The following GTF3C2 variants were observed in gnomAD, a reference collection of about 807,000 sequenced individuals.
The protein encoded by GTF3C2 is general transcription factor 3C polypeptide 2.
Under a neutral mutation model 117.4 loss-of-function variants are expected in GTF3C2, and 17 were observed. The ratio of observed to expected loss-of-function variants is 0.14; its 90% CI spans 0.10 to 0.22. The LOEUF is 0.22. GTF3C2 is among the 10% of genes least tolerant of loss of function. The probability of loss-of-function intolerance (pLI) is 1.00; values close to 1 mark genes in which losing one functional copy is unlikely to be tolerated. For missense variants in GTF3C2, 888 were observed against 1,143.6 expected (o/e 0.78, Z 3.22); for synonymous variants, 437 against 427.0 (o/e 1.02, Z -0.29).
intron 7 of GTF3C2, chr2:27,336,746 C>T (rs1680494205): frequency 3.3e-6 from 1 of 305,998 alleles, no homozygotes; most frequent in Non-Finnish European, 6.1e-6. Context: ...GTAGCTGGGA[C>T]TACAGGCATA....
At chr2:27,340,787 AT>A (rs1181361973) in intron 4 of GTF3C2, 262 of 143,206 alleles carry the variant, frequency 1.8e-3, no homozygotes, top group South Asian at 2.0e-3. Flanking sequence ...CATCCAGCTA[AT>A]TTTTTTTTTT....
intron 3 of GTF3C2, 64 bp from the exon 4 acceptor site, chr2:27,342,297 T>C (rs915021868): frequency 4.3e-5 from 60 of 1,380,960 alleles, no homozygotes; most frequent in Non-Finnish European, 5.4e-5. Flanking sequence ...TTTCCAGACA[T>C]GGTTGATTTT....
chr2:27,354,927 TTCA>T (rs1681276639), intron 1 of GTF3C2, among the ~76,000 whole-genome samples: 1 of 152,186 alleles, frequency 6.6e-6, no homozygotes, highest in South Asian at 2.1e-4. Flanking sequence ...TACAAATCTC[TTCA>T]TTAATTCATC....
At chr2:27,349,001 T>G (rs1480397352) in intron 1 of GTF3C2, among the ~76,000 whole-genome samples, 1 of 151,802 alleles carries the variant, frequency 6.6e-6, no homozygotes, top group African/African-American at 2.4e-5. Flanking sequence ...CACACCCAGC[T>G]AATTTTTGTA....
Position 27,329,435 on chromosome 2 carries a change from C to T in GTF3C2, c.1821G>A (p.Gln607=). The T allele has an allele frequency of 6.2e-7, 1 of 1,614,110 alleles. No individual in the cohort carries two copies. The highest frequency in any genetic ancestry group is 8.5e-7 in the Non-Finnish European group (1 of 1,180,008). ...CAGCCTGGTCATGGGCTAGGAAACA[C>T]TGGAAGGGGTAGAGCTTTAAGGAGC... Residue 607 remains glutamine (Q), a synonymous_variant, in exon 13 of 19, where the codon CAG becomes CAA. Coordinates refer to ENST00000264720, the Ensembl canonical transcript of GTF3C2. This position sits in a 1 kb window ranked among gnomAD's most constrained non-coding sequence, Gnocchi z 4.5.
intron 1 of GTF3C2, chr2:27,356,209 C>T (rs2148356947): frequency 1.4e-6 from 1 of 713,006 alleles, no homozygotes; most frequent in East Asian, 6.5e-5. Flanking sequence ...ACACAACTGG[C>T]CCTTGGTTAC....
chr2:27,335,327 C>T (rs1190466711), intron 10 of GTF3C2: 4 of 589,018 alleles, frequency 6.8e-6, no homozygotes, highest in South Asian at 4.6e-5. Context: ...AGCCAGTTAC[C>T]TGTGGCAGCA....
chr2:27,343,580 T>C lies in GTF3C2; in HGVS notation c.-24-2A>G, dbSNP rs1572578181. On this transcript the variant is annotated splice_acceptor_variant, in intron 1 of 18. Transcript: ENST00000264720. LOFTEE classifies it low-confidence loss of function (5UTR_SPLICE). ...CAGCACCCCCCAAAATGGCTGCCCC[T>C]GCATACAGAGACACACAAATGAGTA... is the stretch of plus-strand genomic sequence containing the variant. The C allele has an allele frequency of 6.2e-7, 1 of 1,611,752 alleles. No individual in the cohort carries two copies. The highest frequency in any genetic ancestry group is 8.5e-7 in the Non-Finnish European group (1 of 1,178,336).
chr2:27,343,332 T>C (rs779305663), exon 2 of GTF3C2: 2 of 1,614,026 alleles, frequency 1.2e-6, no homozygotes, highest in Non-Finnish European at 8.5e-7. Context: ...CTGGAGAGGC[T>C]TTCCTGCTCT....
chr2:27,338,179 A>G, intron 4 of GTF3C2, 159 bp from the exon 5 acceptor site: 2 of 630,448 alleles, frequency 3.2e-6, no homozygotes, highest in Middle Eastern at 3.0e-4. Context: ...CAACCACTAT[A>G]ATGACTTCTT....
chr2:27,327,145 G>C, intron 18 of GTF3C2, 32 bp downstream of exon 18: 12 of 1,168,146 alleles, frequency 1.0e-5, no homozygotes, highest in Non-Finnish European at 1.5e-5. Context: ...GGGGGGAAAT[G>C]AGAGTGGAGG....
chr2:27,353,171 G>T (rs1421198991), intron 1 of GTF3C2, among the ~76,000 whole-genome samples: 2 of 152,254 alleles, frequency 1.3e-5, no homozygotes, highest in South Asian at 2.1e-4. Context: ...GAGGTGAGCA[G>T]ATCATGAGGT....
At chr2:27,338,462 A>G (rs564674291) in intron 4 of GTF3C2, among the ~76,000 whole-genome samples, 535 of 38,060 alleles carry the variant, frequency 0.014, 2 homozygotes, top group African/African-American at 0.024. Flanking sequence ...GCACGCGCGC[A>G]CACACACACA....
At chr2:27,350,845 A>C (rs767966828) in intron 1 of GTF3C2, among the ~76,000 whole-genome samples, 11 of 151,556 alleles carry the variant, frequency 7.3e-5, no homozygotes, top group Non-Finnish European at 1.3e-4. Context: ...GCTACTCGGG[A>C]GGCTGAGGCA....
intron 1 of GTF3C2, among the ~76,000 whole-genome samples, chr2:27,354,766 A>G (rs1681272346): frequency 6.6e-6 from 1 of 152,136 alleles, no homozygotes; most frequent in Non-Finnish European, 1.5e-5. Context: ...GGTTTTTTTT[A>G]AAGGATTTTC....
chr2:27,340,364 G>A (rs1680683963), intron 4 of GTF3C2: 3 of 151,920 alleles, frequency 2.0e-5, no homozygotes, highest in Admixed American at 6.6e-5. Flanking sequence ...CCGAGTAGCT[G>A]GGACTACAGG....
rs770037918 is a variant in GTF3C2 at position 27,329,365 on chromosome 2, C to T, written c.1877+14G>A. On this transcript the variant is annotated intron_variant, in intron 13 of 18. Transcript: ENST00000264720. This position sits in a 1 kb window ranked among gnomAD's most constrained non-coding sequence, Gnocchi z 4.5. ...GTCTTCACCTTCCCCCTCCACATAC[C>T]TCCTATTCCATACCTGTTAGCTTTG... is the stretch of plus-strand genomic sequence containing the variant. 1 of 1,614,110 alleles carries T rather than the reference C, an allele frequency of 6.2e-7. No individual in the cohort carries two copies. Among genetic ancestry groups the T allele is most frequent in the Non-Finnish European group, 8.5e-7 (1 of 1,179,948 alleles).
chr2:27,338,454 A>ACGCG, intron 4 of GTF3C2, among the ~76,000 whole-genome samples: 1 of 56,424 alleles, frequency 1.8e-5, no homozygotes, highest in South Asian at 5.9e-4. Context: ...GCGCACGCGC[A>ACGCG]CGCGCGCACA....
chr2:27,326,493 G>C (rs1680076420), exon 19 of GTF3C2: 3 of 611,116 alleles, frequency 4.9e-6, no homozygotes, highest in Non-Finnish European at 8.9e-6. Context: ...CTGCCCGCAG[G>C]GGGCTGTGAT....
Sources: allele counts gnomAD v4.1 joint callset (sites outside exome capture counted in the v4.1 genomes callset), GRCh38; gene constraint gnomAD v4.1.1; non-coding constraint Gnocchi (gnomAD v3.1); transcripts MANE v1.5; gene names NCBI Gene and HGNC (gene_info 2026-07-23, HGNC 2026-07-21).